PAK5: variants seen among roughly 807,000 people sequenced by gnomAD.
The protein encoded by PAK5 is p21 (RAC1) activated kinase 5.
In PAK5, 16 loss-of-function variants were observed where a neutral mutation model predicts 65.9. That is an observed-to-expected ratio of 0.24 (90% CI 0.16 to 0.37). The LOEUF (loss-of-function observed/expected upper bound fraction) is 0.37, where lower values mean the gene tolerates loss of function less well. Among genes scored for constraint, PAK5 ranks in the 10% least tolerant of loss-of-function variants. The pLI, the probability that PAK5 is intolerant of heterozygous loss-of-function variation, is 1.00. For missense variants in PAK5, 785 were observed against 903.9 expected (o/e 0.87, Z 1.69); for synonymous variants, 371 against 354.9 (o/e 1.05, Z -0.51).
intron 1 of PAK5, among the ~76,000 whole-genome samples, chr20:9,777,262 T>A (rs34025710): frequency 0.43 from 64,894 of 151,964 alleles, 14,002 homozygotes; most frequent in East Asian, 0.64. Context: ...ACTGGTGATA[T>A]GGTTTGGCTG....
Position 9,747,959 on chromosome 20 carries a change from C to A in PAK5, c.-161-36524G>T, listed in dbSNP as rs549076915. Reference sequence around the variant, plus strand: ...ACCCCATCGTCTCAGCCCAAAATCTCCTTAAGCTGATAAGCAACTTCAGCA... The same window carrying A: ...ACCCCATCGTCTCAGCCCAAAATCTACTTAAGCTGATAAGCAACTTCAGCA... On this transcript the variant is annotated intron_variant, in intron 1 of 9. Transcript: ENST00000353224. Among the ~76,000 whole-genome samples the A allele has an allele frequency of 7.2e-5, 11 of 152,284 alleles. No homozygotes were observed. In the East Asian group the frequency reaches 2.1e-3, roughly 29 times the overall value.
chr20:9,713,958 TAC>T (rs2048110099), intron 1 of PAK5, among the ~76,000 whole-genome samples: 2 of 152,080 alleles, frequency 1.3e-5, no homozygotes, highest in Non-Finnish European at 2.9e-5. Context: ...ATAGGAAAAT[TAC>T]ACTTAACCGT....
intron 2 of PAK5, among the ~76,000 whole-genome samples, chr20:9,672,423 G>A (rs569911200): frequency 6.6e-6 from 1 of 150,692 alleles, no homozygotes; most frequent in South Asian, 2.1e-4. Flanking sequence ...CCTATCATGG[G>A]AGGAAGCCTG....
intron 2 of PAK5, among the ~76,000 whole-genome samples, chr20:9,646,293 C>A (rs1338726499): frequency 6.6e-6 from 1 of 152,192 alleles, no homozygotes; most frequent in Non-Finnish European, 1.5e-5. Context: ...AATATTCTCT[C>A]AGCAATGCTC....
At chr20:9,696,588 T>C (rs2047873240) in intron 2 of PAK5, among the ~76,000 whole-genome samples, 1 of 152,022 alleles carries the variant, frequency 6.6e-6, no homozygotes. Flanking sequence ...TGGGAGAAAG[T>C]TTCTTTTTTC....
chr20:9,711,555 G>A (rs968888651), intron 1 of PAK5, 120 bp from the exon 2 acceptor site: 8 of 152,056 alleles, frequency 5.3e-5, no homozygotes. Context: ...CTTTTTTACT[G>A]TTTCTATCAT....
At chr20:9,787,294 C>G (rs1467957686) in intron 1 of PAK5, among the ~76,000 whole-genome samples, 1 of 152,106 alleles carries the variant, frequency 6.6e-6, no homozygotes, top group African/African-American at 2.4e-5. Flanking sequence ...TATTCCAGCT[C>G]CAGTAGTACC....
intron 2 of PAK5, among the ~76,000 whole-genome samples, chr20:9,709,617 G>T (rs1380447873): frequency 6.6e-6 from 1 of 152,042 alleles, no homozygotes; most frequent in Admixed American, 6.6e-5. Flanking sequence ...TGCTGCACTG[G>T]GTCTGTTTTC....
At chr20:9,547,925 G>C (rs1380621637) in intron 7 of PAK5, among the ~76,000 whole-genome samples, 1 of 152,130 alleles carries the variant, frequency 6.6e-6, no homozygotes, top group Non-Finnish European at 1.5e-5. Flanking sequence ...ACAGAAGAGG[G>C]AGGAGGTCAC....
rs915946001 is a variant in PAK5 at position 9,580,009 on chromosome 20, A to G, written c.990+136T>C. 23 of 662,732 alleles carry G rather than the reference A, an allele frequency of 3.5e-5. No individual in the cohort carries two copies. The East Asian group carries it at 6.1e-4, about 17-fold the overall frequency. The allele number at this position is 662,732 out of a possible 1,614,324, so 41.1% of individuals were successfully genotyped here. The stretch of plus-strand genomic sequence containing the variant: ...GCCCTGGGGCCTCACAAGTGGAGAT[A>G]GGGTGGGTTTTGATATTGATTTTCC... On this transcript the variant is annotated intron_variant, in intron 4 of 9. Coordinates refer to ENST00000353224, the MANE Select transcript of PAK5 (RefSeq NM_177990.4).
At chr20:9,766,406 A>ACTT (rs1386493398) in intron 1 of PAK5, among the ~76,000 whole-genome samples, 28 of 42,848 alleles carry the variant, frequency 6.5e-4, no homozygotes, top group East Asian at 1.2e-3. Flanking sequence ...ATATTCAAGC[A>ACTT]GAATATATAT....
At chr20:9,684,771 CT>C (rs2047695998) in intron 2 of PAK5, among the ~76,000 whole-genome samples, 1 of 152,196 alleles carries the variant, frequency 6.6e-6, no homozygotes, top group Admixed American at 6.5e-5. Flanking sequence ...TTTTCCTCCT[CT>C]TTTCCAGGAA....
At chr20:9,748,884 G>T (rs1052738249) in intron 1 of PAK5, among the ~76,000 whole-genome samples, 3 of 152,144 alleles carry the variant, frequency 2.0e-5, no homozygotes, top group Admixed American at 1.3e-4. Flanking sequence ...AGCCACAGTG[G>T]CTAGTGGCTG....
In PAK5 at chr20:9,565,970, T is replaced by C; in HGVS notation, c.1405A>G (p.Lys469Glu). ...ACTGCAACTTGTTTCCCTGTGTGTT[T>C]CTCGGTGGCGATGCATACGATGCCG... ...STGIVCIATE[K>E]HTGKQVAVKK... The change falls in exon 5 of 10, where the codon AAA (lysine) becomes GAA (glutamate). Residue 469 changes from lysine (K) to glutamate (E), a missense_variant. Physicochemically the swap from Lys to Glu is moderately conservative, Grantham distance 56 (BLOSUM62 1). Around this residue, in one of 4 missense-constraint regions of PAK5, gnomAD observed 182 missense variants for 273.0 expected, o/e 0.67. Transcript: ENST00000353224. 1 of 1,613,930 alleles carries C rather than the reference T, an allele frequency of 6.2e-7. No individual in the cohort carries two copies. The highest frequency in any genetic ancestry group is 8.5e-7 in the Non-Finnish European group (1 of 1,179,944).
intron 2 of PAK5, among the ~76,000 whole-genome samples, chr20:9,700,517 T>C (rs1318228614): frequency 6.6e-6 from 1 of 152,206 alleles, no homozygotes; most frequent in Non-Finnish European, 1.5e-5. Flanking sequence ...AGTTTTGTGT[T>C]ACTTTGAATA....
At chr20:9,561,020 C>T (rs1019634615) in intron 6 of PAK5, among the ~76,000 whole-genome samples, 27 of 152,092 alleles carry the variant, frequency 1.8e-4, no homozygotes, top group Non-Finnish European at 4.0e-4. Context: ...TTTTATCAAC[C>T]GATCAATAAA....
intron 1 of PAK5, among the ~76,000 whole-genome samples, chr20:9,775,121 G>GA (rs1399050672): frequency 6.6e-6 from 1 of 152,158 alleles, no homozygotes; most frequent in Non-Finnish European, 1.5e-5. Flanking sequence ...CAAATGACTG[G>GA]AAAGAGACAT....
At chr20:9,747,644 G>T (rs1273950449) in intron 1 of PAK5, among the ~76,000 whole-genome samples, 2 of 151,868 alleles carry the variant, frequency 1.3e-5, no homozygotes, top group Non-Finnish European at 2.9e-5. Flanking sequence ...AAACCTTCAT[G>T]CTAAAAACTC....
intron 3 of PAK5, among the ~76,000 whole-genome samples, chr20:9,625,298 C>T (rs913506599): frequency 6.6e-6 from 1 of 152,198 alleles, no homozygotes; most frequent in African/African-American, 2.4e-5. Flanking sequence ...TCTCATTTGA[C>T]TTGATTCATG....
Sources: allele counts gnomAD v4.1 joint callset (sites outside exome capture counted in the v4.1 genomes callset), GRCh38; gene constraint gnomAD v4.1.1; regional missense constraint gnomAD v4.1.1; transcripts MANE v1.5; gene names NCBI Gene and HGNC (gene_info 2026-07-23, HGNC 2026-07-21).